Variants in ENO1 observed in about 807,000 individuals in gnomAD.
The protein encoded by ENO1 is alpha-enolase.
Under a neutral mutation model 46.3 loss-of-function variants are expected in ENO1, and 33 were observed. The observed-to-expected ratio is 0.71, with a 90% CI of 0.54 to 0.95. ENO1 has a LOEUF of 0.95. Among genes scored for constraint, ENO1 ranks in the 40% least tolerant of loss-of-function variants. ENO1 has a pLI of 0.00. For synonymous variants in ENO1, 220 were observed against 216.0 expected (o/e 1.02, Z -0.16); for missense variants, 488 against 553.3 (o/e 0.88, Z 1.18).
At chr1:8,871,696 G>A (rs142467031) in intron 3 of ENO1, 195 bp downstream of exon 3, 140 of 1,324,954 alleles carry the variant, frequency 1.1e-4, no homozygotes, top group Admixed American at 1.9e-4. Context: ...ATGCAGGCTC[G>A]GGAACCCCGG....
At position 8,874,928 on chromosome 1, in the gene ENO1, AAC is replaced by A. The variant is rs749297135; in HGVS notation, c.-9-13_-9-12del. 8 of 1,602,372 alleles carry A rather than the reference AAC, an allele frequency of 5.0e-6. No individual in the cohort carries two copies. The African/African-American group carries it at 9.4e-5, about 19-fold the overall frequency. On this transcript the variant is annotated splice_polypyrimidine_tract_variant and intron_variant, in intron 1 of 11. Transcript: ENST00000234590. ...AGACATGGTGAACTTCTGTAGAAGAAACACACAGTTCATGTTTTCCATAAGCC... is the reference window on the plus strand; with the variant it reads ...AGACATGGTGAACTTCTGTAGAAGAAACACAGTTCATGTTTTCCATAAGCC...
chr1:8,878,398 G>A, intron 1 of ENO1, 182 bp downstream of exon 1: 1 of 317,198 alleles, frequency 3.2e-6, no homozygotes, highest in Non-Finnish European at 6.1e-6. Flanking sequence ...TTGCGCCCCC[G>A]CCCCGGGCCT....
At chr1:8,870,572 G>C in intron 3 of ENO1, 62 bp from the exon 4 acceptor site, 2 of 1,609,336 alleles carry the variant, frequency 1.2e-6, no homozygotes, top group Non-Finnish European at 8.5e-7. Context: ...GAGCAGCATT[G>C]TTAGAGAGAA....
chr1:8,863,726 A>G (rs750454765), intron 9 of ENO1, among the ~76,000 whole-genome samples, 165 bp downstream of exon 9: 7 of 152,114 alleles, frequency 4.6e-5, no homozygotes, highest in South Asian at 2.1e-4. Flanking sequence ...ACAGGCCCCA[A>G]TTGTTTAATT....
At chr1:8,866,542 A>C in intron 6 of ENO1, 41 bp from the exon 7 acceptor site, 1 of 1,605,654 alleles carries the variant, frequency 6.2e-7, no homozygotes, top group Non-Finnish European at 8.5e-7. Context: ...CTGGGTCCAG[A>C]GAGCCCCACA....
intron 1 of ENO1, among the ~76,000 whole-genome samples, chr1:8,875,200 C>T (rs1470564784): frequency 6.6e-6 from 1 of 151,928 alleles, no homozygotes; most frequent in African/African-American, 2.4e-5. Context: ...TTTTATCCGA[C>T]TGCTCAAGTC....
At position 8,874,823 on chromosome 1, in the gene ENO1, C is replaced by T; in HGVS notation, c.85+1G>A. ...ATGGAAACCAAGGAGGTGGCACATA[C>T]CTTTTGAGGTGAAGAGATCAACCTC... On this transcript the variant is annotated splice_donor_variant, in intron 2 of 11. Transcript: ENST00000234590. LOFTEE classifies it high-confidence loss of function. 6.2e-7 allele frequency: 1 copy of T among 1,612,448 alleles called. No individual in the cohort carries two copies. The highest frequency in any genetic ancestry group is 8.5e-7 in the Non-Finnish European group (1 of 1,179,116).
chr1:8,863,661 TGAGCTCCC>T (rs934521478), intron 9 of ENO1, among the ~76,000 whole-genome samples: 1 of 152,200 alleles, frequency 6.6e-6, no homozygotes, highest in Non-Finnish European at 1.5e-5. Flanking sequence ...AGGCTGGTCT[TGAGCTCCC>T]GAGCTCAAGT....
intron 3 of ENO1, chr1:8,871,483 C>A (rs575777995): frequency 1.6e-5 from 16 of 1,012,590 alleles, no homozygotes; most frequent in Admixed American, 5.2e-5. Context: ...ATTGGTTAGA[C>A]CTTCCCTGGA....
chr1:8,877,166 A>G (rs1642752731), intron 1 of ENO1, among the ~76,000 whole-genome samples: 1 of 151,892 alleles, frequency 6.6e-6, no homozygotes, highest in Admixed American at 6.6e-5. Flanking sequence ...GTAGAGTAGG[A>G]TGGTCTCGAT....
intron 4 of ENO1, among the ~76,000 whole-genome samples, chr1:8,868,265 C>T (rs1404164241): frequency 6.6e-6 from 1 of 152,044 alleles, no homozygotes; most frequent in Non-Finnish European, 1.5e-5. Flanking sequence ...CAGGCATTCA[C>T]CCAACAATGC....
Position 8,870,444 on chromosome 1 carries a change from G to C in ENO1, c.240+8C>G. On this transcript the variant is annotated splice_region_variant and intron_variant, in intron 4 of 11. Transcript: ENST00000234590. ...TAGACACATTAGTTATCAGGAGGCAGGTCCTACCTTGCTAACCAGGGCAGG... is the reference window on the plus strand; with the variant it reads ...TAGACACATTAGTTATCAGGAGGCACGTCCTACCTTGCTAACCAGGGCAGG... 1.2e-6 allele frequency: 2 copies of C among 1,614,164 alleles called. No homozygotes were observed. Among genetic ancestry groups the C allele is most frequent in the South Asian group, 1.1e-5 (1 of 91,084 alleles).
rs977827292 is a variant in ENO1 at position 8,861,304 on chromosome 1, C to T, written c.*56G>A. The T allele has an allele frequency of 8.8e-5, 140 of 1,589,088 alleles. 2 individuals carry two copies. The South Asian group carries it at 1.1e-3, about 12-fold the overall frequency. ...GGGCCTCGAGCTGCCTGAGCTGACACGAGGGGAGGGGTCTGTGTAGCCAAC... is the reference window on the plus strand; with the variant it reads ...GGGCCTCGAGCTGCCTGAGCTGACATGAGGGGAGGGGTCTGTGTAGCCAAC... On this transcript the variant is annotated 3_prime_UTR_variant, in exon 12 of 12. Transcript: ENST00000234590.
intron 1 of ENO1, 187 bp downstream of exon 1, chr1:8,878,393 C>T: frequency 3.1e-6 from 1 of 318,352 alleles, no homozygotes; most frequent in South Asian, 2.3e-5. Flanking sequence ...TGGCATTGCG[C>T]CCCCGCCCCG....
chr1:8,865,150 C>A lies in ENO1; in HGVS notation c.865+135G>T, dbSNP rs1173034569. The A allele has an allele frequency of 1.2e-5, 13 of 1,066,442 alleles. No homozygotes were observed. The Admixed American group carries it at 2.7e-4, about 22-fold the overall frequency. The allele number at this position is 1,066,442 out of a possible 1,614,324, so 66.1% of individuals were successfully genotyped here. ...ACTGGGGGCAAACCCAGTGGTGAAT[C>A]CCCTACGGGAGCTGGAAGTTCAGAC... On this transcript the variant is annotated intron_variant, in intron 8 of 11. Coordinates refer to ENST00000234590, the MANE Select transcript of ENO1 (RefSeq NM_001428.5).
In ENO1 at chr1:8,866,251, T is replaced by TG. The variant is rs28999084; in HGVS notation, c.667+27dup. ...AGGGAGCTGGCGCTGCAGGGCTGGGTGGGGGGGCGGTTCCCTAGCGCCTTT... is the reference window on the plus strand; with the variant it reads ...AGGGAGCTGGCGCTGCAGGGCTGGGTGGGGGGGGCGGTTCCCTAGCGCCTTT... On this transcript the variant is annotated intron_variant, in intron 7 of 11. Coordinates refer to ENST00000234590, the MANE Select transcript of ENO1 (RefSeq NM_001428.5). The TG allele has an allele frequency of 2.4e-3, 3,662 of 1,542,916 alleles. 67 individuals are homozygous for TG. In the African/African-American group the frequency reaches 0.044, roughly 18 times the overall value.
chr1:8,877,356 A>C (rs1283759294), intron 1 of ENO1, among the ~76,000 whole-genome samples: 2 of 151,572 alleles, frequency 1.3e-5, no homozygotes, highest in South Asian at 2.1e-4. Flanking sequence ...GGCATCCCAA[A>C]GTGCTCGGAT....
At chr1:8,862,305 C>G (rs1642420337) in intron 11 of ENO1, among the ~76,000 whole-genome samples, 1 of 149,290 alleles carries the variant, frequency 6.7e-6, no homozygotes, top group Non-Finnish European at 1.5e-5. Flanking sequence ...TGTTCACCTG[C>G]TTTTTTGTAT....
intron 1 of ENO1, chr1:8,876,226 G>C (rs931403816): frequency 1.3e-5 from 2 of 152,142 alleles, no homozygotes; most frequent in Non-Finnish European, 2.9e-5. Context: ...ATCTTCTCTG[G>C]AATGTCCTGA....
Sources: gnomAD v4.1 joint callset for allele counts (sites outside exome capture counted in the v4.1 genomes callset) on GRCh38, gnomAD v4.1.1 for gene constraint, MANE v1.5 for transcripts, NCBI Gene and HGNC (gene_info 2026-07-23, HGNC 2026-07-21) for gene names.